The following MARCHF1 variants were observed in gnomAD, a reference collection of about 807,000 sequenced individuals.
MARCHF1 encodes membrane associated ring-CH-type finger 1, also known as E3 ubiquitin-protein ligase MARCHF1.
A neutral mutation model predicts 54.2 loss-of-function variants in MARCHF1; 40 were observed. That is an observed-to-expected ratio of 0.74 (90% CI 0.57 to 0.96). The LOEUF (loss-of-function observed/expected upper bound fraction) is 0.96. Among genes scored for constraint, MARCHF1 ranks in the 40% least tolerant of loss-of-function variants. The pLI is 0.00. For missense variants in MARCHF1, 586 were observed against 656.5 expected (o/e 0.89, Z 1.17); for synonymous variants, 236 against 236.3 (o/e 1.00, Z 0.01).
At chr4:163,822,483 G>A (rs1748720397) in intron 4 of MARCHF1, among the ~76,000 whole-genome samples, 1 of 151,744 alleles carries the variant, frequency 6.6e-6, no homozygotes, top group African/African-American at 2.4e-5. Context: ...TCCTTCCTCT[G>A]GAAAAGTACA....
At chr4:164,054,125 A>G (rs6824071) in intron 2 of MARCHF1, among the ~76,000 whole-genome samples, 95,994 of 146,802 alleles carry the variant, frequency 0.65, 32,830 homozygotes, top group Non-Finnish European at 0.77. Context: ...GACATGAACA[A>G]ACACTTCTCA....
chr4:163,721,474 G>A (rs1320870816), intron 4 of MARCHF1, among the ~76,000 whole-genome samples: 6 of 151,966 alleles, frequency 3.9e-5, no homozygotes, highest in Non-Finnish European at 7.4e-5. Flanking sequence ...CATCAGGGAT[G>A]TTGGTCTAAA....
intron 2 of MARCHF1, among the ~76,000 whole-genome samples, chr4:164,091,410 T>TTTTATATA (rs145149996): frequency 0.16 from 21,978 of 136,744 alleles, 2,329 homozygotes; most frequent in Non-Finnish European, 0.24. Flanking sequence ...TCACCAAGTT[T>TTTTATATA]TATATATATA....
At chr4:163,887,920 T>C (rs1392752648) in intron 3 of MARCHF1, among the ~76,000 whole-genome samples, 8 of 152,186 alleles carry the variant, frequency 5.3e-5, no homozygotes, top group Non-Finnish European at 8.8e-5. Flanking sequence ...CCTTCTTTTA[T>C]TTCCATTTAA....
chr4:163,597,780 T>C lies in MARCHF1; in HGVS notation c.1011-11851A>G, dbSNP rs544641832. Reference sequence around the variant, plus strand: ...AAACATGCCATGAGTTATCAGTAGATACTGAGTTGTGTCTAGTTCCCTTCC... The same window carrying C: ...AAACATGCCATGAGTTATCAGTAGACACTGAGTTGTGTCTAGTTCCCTTCC... On this transcript the variant is annotated intron_variant, in intron 7 of 9. Coordinates refer to ENST00000514618, the MANE Select transcript of MARCHF1 (RefSeq NM_001394959.1). 1.2e-3 allele frequency among the ~76,000 whole-genome samples: 179 copies of C among 152,356 alleles called. 2 individuals are homozygous for C. Among genetic ancestry groups the C allele is most frequent in the Admixed American group, 0.012 (177 of 15,302 alleles).
chr4:164,355,718 G>A (rs1266777665), intron 1 of MARCHF1, among the ~76,000 whole-genome samples: 1 of 102,092 alleles, frequency 9.8e-6, no homozygotes, highest in Non-Finnish European at 2.2e-5. Context: ...AGGACTTCAT[G>A]TCCAAAACAC....
intron 3 of MARCHF1, among the ~76,000 whole-genome samples, chr4:163,884,713 T>C (rs1235340014): frequency 6.6e-6 from 1 of 152,196 alleles, no homozygotes; most frequent in African/African-American, 2.4e-5. Flanking sequence ...CAGTCCATAT[T>C]GTCCTTCAAC....
At chr4:163,919,832 C>T (rs1240144542) in intron 3 of MARCHF1, among the ~76,000 whole-genome samples, 5 of 152,056 alleles carry the variant, frequency 3.3e-5, no homozygotes, top group African/African-American at 1.2e-4. Context: ...GTTTTAATAG[C>T]ATTTTTCTAT....
At chr4:163,628,548 G>A (rs1355602646) in intron 5 of MARCHF1, among the ~76,000 whole-genome samples, 1 of 152,150 alleles carries the variant, frequency 6.6e-6, no homozygotes, top group African/African-American at 2.4e-5. Flanking sequence ...CTCTGGCCAT[G>A]GCCATCAGGA....
chr4:163,743,939 G>A (rs1393390557), intron 4 of MARCHF1, among the ~76,000 whole-genome samples: 1 of 152,180 alleles, frequency 6.6e-6, no homozygotes, highest in Non-Finnish European at 1.5e-5. Context: ...TGACAACACA[G>A]TTTGGCTACA....
intron 5 of MARCHF1, among the ~76,000 whole-genome samples, chr4:163,628,969 T>C (rs751102078): frequency 1.3e-5 from 2 of 152,186 alleles, no homozygotes; most frequent in Non-Finnish European, 2.9e-5. Context: ...AAAATGGCCA[T>C]ACTGCCCAAA....
chr4:163,927,687 C>G (rs1053861773), intron 3 of MARCHF1, among the ~76,000 whole-genome samples: 4 of 151,746 alleles, frequency 2.6e-5, no homozygotes. Flanking sequence ...ACAAATGCTA[C>G]AGAAACTGTC....
chr4:164,342,295 A>C (rs1729952420), intron 1 of MARCHF1, among the ~76,000 whole-genome samples: 1 of 152,180 alleles, frequency 6.6e-6, no homozygotes, highest in East Asian at 1.9e-4. Flanking sequence ...TTCATTAAAA[A>C]GTCAAAAGAT....
At chr4:163,610,871 C>T (rs1006982332) in intron 7 of MARCHF1, among the ~76,000 whole-genome samples, 7 of 152,154 alleles carry the variant, frequency 4.6e-5, no homozygotes, top group South Asian at 2.1e-4. Context: ...GCAAGCTTTA[C>T]GTTCCCTGAA....
intron 1 of MARCHF1, among the ~76,000 whole-genome samples, chr4:164,269,554 T>A (rs1234404486): frequency 6.6e-6 from 1 of 152,220 alleles, no homozygotes; most frequent in East Asian, 1.9e-4. Flanking sequence ...CCTTACTTAT[T>A]TCTAAATAAA....
chr4:163,850,054 A>G (rs1232152761), intron 4 of MARCHF1, among the ~76,000 whole-genome samples: 1 of 152,152 alleles, frequency 6.6e-6, no homozygotes, highest in Non-Finnish European at 1.5e-5. Context: ...AGAGGTCGGG[A>G]GGAGAAAGGA....
At chr4:164,088,410 G>C (rs538275547) in intron 2 of MARCHF1, among the ~76,000 whole-genome samples, 2 of 152,094 alleles carry the variant, frequency 1.3e-5, no homozygotes, top group East Asian at 3.8e-4. Context: ...TTCATAATCT[G>C]GGGTGAAGGC....
chr4:163,925,913 G>T (rs936663087), intron 3 of MARCHF1, among the ~76,000 whole-genome samples: 2 of 151,620 alleles, frequency 1.3e-5, no homozygotes, highest in Non-Finnish European at 3.0e-5. Context: ...ATAAATACTT[G>T]TCCAAAGTTT....
In MARCHF1 at chr4:164,372,541, A is replaced by C. The variant is rs571032717; in HGVS notation, c.-323+11329T>G. On this transcript the variant is annotated intron_variant, in intron 1 of 9. Transcript: ENST00000514618. The stretch of plus-strand genomic sequence containing the variant: ...CTTAATATTTCTATAATTTTTTTAT[A>C]ATAAACATATTTTACCTCAGTTTTA... Among the ~76,000 whole-genome samples the C allele has an allele frequency of 9.9e-5, 15 of 152,264 alleles. No individual in the cohort carries two copies. The South Asian group carries it at 3.1e-3, about 32-fold the overall frequency.
Sources: allele counts gnomAD v4.1 joint callset (sites outside exome capture counted in the v4.1 genomes callset), GRCh38; gene constraint gnomAD v4.1.1; transcripts MANE v1.5; gene names NCBI Gene and HGNC (gene_info 2026-07-23, HGNC 2026-07-21).